ACOXL: variants seen among roughly 807,000 people sequenced by gnomAD.
ACOXL encodes the protein acyl-CoA oxidase like.
In ACOXL, 70 loss-of-function variants were observed where a neutral mutation model predicts 71.9. That is an observed-to-expected ratio of 0.97 (90% CI 0.80 to 1.19). The LOEUF is 1.19. Among genes scored for constraint, ACOXL ranks in the 50% most tolerant of loss-of-function variants. The pLI is 0.00. For missense variants in ACOXL, 703 were observed against 736.3 expected (o/e 0.95, Z 0.52); for synonymous variants, 253 against 281.6 (o/e 0.90, Z 1.02).
rs140622901 is a variant in ACOXL, at chr2:110,903,466, C to T, written c.789-5323C>T. On this transcript the variant is annotated intron_variant, in intron 10 of 17. Coordinates refer to ENST00000439055, the MANE Select transcript of ACOXL (RefSeq NM_001142807.4). Reference sequence around the variant, plus strand: ...CATCATTCACAGCACTCTGCGAGCCCGGCTTTATTCTCACATGGATATCGC... The same window carrying T: ...CATCATTCACAGCACTCTGCGAGCCTGGCTTTATTCTCACATGGATATCGC... 3.7e-4 allele frequency among the ~76,000 whole-genome samples: 57 copies of T among 152,312 alleles called. No individual in the cohort carries two copies. In the East Asian group the frequency reaches 5.2e-3, roughly 14 times the overall value.
At chr2:111,083,366 A>G (rs1440956608) in intron 16 of ACOXL, among the ~76,000 whole-genome samples, 1 of 152,146 alleles carries the variant, frequency 6.6e-6, no homozygotes, top group Admixed American at 6.6e-5. Flanking sequence ...ATAGTTTATT[A>G]CAGCAAAAAA....
At chr2:110,933,900 A>T (rs890570926) in intron 12 of ACOXL, among the ~76,000 whole-genome samples, 4 of 152,194 alleles carry the variant, frequency 2.6e-5, no homozygotes, top group Admixed American at 2.0e-4. Context: ...TCGTGGGGCA[A>T]AGGTAGTAGT....
intron 16 of ACOXL, among the ~76,000 whole-genome samples, chr2:111,049,704 T>C (rs887138077): frequency 2.0e-5 from 3 of 152,208 alleles, no homozygotes; most frequent in East Asian, 1.9e-4. Context: ...TAAGGAATGC[T>C]ACACAAATTA....
At chr2:110,810,831 G>A (rs941855402) in intron 9 of ACOXL, among the ~76,000 whole-genome samples, 1 of 152,226 alleles carries the variant, frequency 6.6e-6, no homozygotes, top group African/African-American at 2.4e-5. Flanking sequence ...AAGAAAAGAT[G>A]TTTAATTGAC....
rs2066163461 is a variant in ACOXL at position 111,049,218 on chromosome 2, T to C, written c.1370T>C (p.Val457Ala). The change falls in exon 16 of 18, where the codon GTT (valine) becomes GCT (alanine). Residue 457 changes from valine to alanine, a missense_variant and splice_region_variant. Physicochemically the swap from Val to Ala is moderately conservative, Grantham distance 64. Coordinates refer to ENST00000439055, the MANE Select transcript of ACOXL (RefSeq NM_001142807.4). ...ASLSLAHTHR[V>A]TLEQFSLAVK... ...ACAATTTCCATTTCTTCCCTTCCAG[T>C]TACCTTAGAGCAGTTCTCCCTAGCA... The C allele has an allele frequency of 6.2e-7, 1 of 1,609,190 alleles. No individual in the cohort carries two copies. The highest frequency in any genetic ancestry group is 8.5e-7 in the Non-Finnish European group (1 of 1,175,614).
intron 9 of ACOXL, among the ~76,000 whole-genome samples, chr2:110,814,497 C>T (rs1259561863): frequency 6.6e-6 from 1 of 151,134 alleles, no homozygotes; most frequent in East Asian, 1.9e-4. Context: ...TTTAGTAAGC[C>T]AAAAAAAGTT....
At position 110,798,499 on chromosome 2, in the gene ACOXL, A is replaced by G. The variant is rs937344882; in HGVS notation, c.346-111A>G. 1.1e-5 allele frequency: 9 copies of G among 786,882 alleles called. No individual in the cohort carries two copies. The African/African-American group carries it at 1.5e-4, about 13-fold the overall frequency. The allele number at this position is 786,882 out of a possible 1,614,324, so 48.7% of individuals were successfully genotyped here. ...TCTCGATCTCCTGACCTCGTGATCC[A>G]CCCACCTCGGCCCCCCAAAGTGCTG... On this transcript the variant is annotated intron_variant, in intron 5 of 17. Transcript: ENST00000439055.
At chr2:110,791,337 G>GT (rs1001760531) in intron 3 of ACOXL, among the ~76,000 whole-genome samples, 5 of 152,072 alleles carry the variant, frequency 3.3e-5, no homozygotes, top group Admixed American at 6.6e-5. Context: ...AACACTCTAG[G>GT]TTTTTTTTCC....
chr2:111,075,626 C>T (rs1192714835), intron 16 of ACOXL, among the ~76,000 whole-genome samples: 3 of 151,568 alleles, frequency 2.0e-5, no homozygotes, highest in Admixed American at 2.0e-4. Flanking sequence ...GGGTTTTACT[C>T]TTGTTTTTCT....
At chr2:110,972,445 A>G (rs1331345273) in intron 12 of ACOXL, among the ~76,000 whole-genome samples, 1 of 152,172 alleles carries the variant, frequency 6.6e-6, no homozygotes, top group Non-Finnish European at 1.5e-5. Flanking sequence ...TCCAGCCGGA[A>G]ACACTTCTTG....
intron 10 of ACOXL, among the ~76,000 whole-genome samples, chr2:110,902,260 A>G (rs1033201428): frequency 5.3e-5 from 8 of 152,198 alleles, no homozygotes; most frequent in African/African-American, 1.9e-4. Flanking sequence ...ACTTGAAGCC[A>G]GGAGTTTGAG....
chr2:110,990,661 C>T (rs2149569507), intron 13 of ACOXL, among the ~76,000 whole-genome samples: 1 of 152,272 alleles, frequency 6.6e-6, no homozygotes, highest in South Asian at 2.1e-4. Context: ...TTGATAGACA[C>T]ACTTTACTTC....
chr2:110,888,520 C>T (rs1697586386), intron 10 of ACOXL, among the ~76,000 whole-genome samples: 1 of 152,194 alleles, frequency 6.6e-6, no homozygotes, highest in African/African-American at 2.4e-5. Context: ...CTTCTTCACT[C>T]CTCCCTTCCT....
chr2:110,955,642 T>C (rs1306125765), intron 12 of ACOXL, among the ~76,000 whole-genome samples: 1 of 151,986 alleles, frequency 6.6e-6, no homozygotes, highest in East Asian at 1.9e-4. Flanking sequence ...CCCCAAAGGC[T>C]TCTCTTCAGG....
At chr2:110,894,236 A>T (rs190655826) in intron 10 of ACOXL, among the ~76,000 whole-genome samples, 80 of 152,070 alleles carry the variant, frequency 5.3e-4, no homozygotes, top group Non-Finnish European at 3.1e-4. Flanking sequence ...GACAAGAATG[A>T]TGCAATAGAG....
rs772775893 is a variant in ACOXL at position 111,081,276 on chromosome 2, C to T, written c.1441-11589C>T. Among the ~76,000 whole-genome samples, 39 of 152,306 alleles carry T rather than the reference C, an allele frequency of 2.6e-4. 1 individual carries two copies. Among genetic ancestry groups the T allele is most frequent in the Admixed American group, 1.0e-3 (16 of 15,284 alleles). On this transcript the variant is annotated intron_variant, in intron 16 of 17. Transcript: ENST00000439055. ...TGATTGTATATTTAGAAAACCCCAT[C>T]GTCTCAGCCCAGAATCTCCTTAAGC...
intron 15 of ACOXL, among the ~76,000 whole-genome samples, chr2:111,040,525 G>T (rs1339356448): frequency 1.3e-5 from 2 of 152,096 alleles, no homozygotes; most frequent in African/African-American, 4.8e-5. Context: ...GGAATAAAAG[G>T]TCCAGTATGA....
At chr2:110,818,751 CAT>C (rs899814655) in intron 9 of ACOXL, among the ~76,000 whole-genome samples, 4 of 152,008 alleles carry the variant, frequency 2.6e-5, no homozygotes, top group Non-Finnish European at 5.9e-5. Context: ...GAGGGTGGAA[CAT>C]AGAAATTCCT....
intron 17 of ACOXL, among the ~76,000 whole-genome samples, chr2:111,101,701 C>T (rs966969211): frequency 6.6e-6 from 1 of 152,002 alleles, no homozygotes; most frequent in African/African-American, 2.4e-5. Flanking sequence ...CCATTCACCC[C>T]ACCCACCCCA....
Sources: allele counts gnomAD v4.1 joint callset (sites outside exome capture counted in the v4.1 genomes callset), GRCh38; gene constraint gnomAD v4.1.1; transcripts MANE v1.5; gene names NCBI Gene and HGNC (gene_info 2026-07-23, HGNC 2026-07-21).